The following TLE4 variants were observed in gnomAD, a reference collection of about 807,000 sequenced individuals.
The protein encoded by TLE4 is transducin-like enhancer protein 4.
A neutral mutation model predicts 92.8 loss-of-function variants in TLE4; 8 were observed. That is an observed-to-expected ratio of 0.09 (90% CI 0.05 to 0.16). TLE4 has a LOEUF of 0.16. Ranked by LOEUF, TLE4 falls within the 10% of genes least tolerant of loss-of-function variation. The pLI, the probability that TLE4 is intolerant of heterozygous loss-of-function variation, is 1.00. For missense variants in TLE4, 675 were observed against 997.6 expected, an observed-to-expected ratio of 0.68 and a Z score of 4.36; for synonymous variants, 371 against 374.1, an observed-to-expected ratio of 0.99 and a Z score of 0.10.
intron 2 of TLE4, 50 bp downstream of exon 2, chr9:79,573,836 C>G (rs753798988): frequency 7.3e-7 from 1 of 1,369,454 alleles, no homozygotes; most frequent in East Asian, 2.4e-5. Context: ...GCTCTTGTCT[C>G]CCCGACAAAT....
At chr9:79,718,213 C>G in intron 14 of TLE4, 1 of 387,410 alleles carries the variant, frequency 2.6e-6, no homozygotes, top group African/African-American at 2.1e-5. Flanking sequence ...ATTTCAACGT[C>G]TAAGCCTAGA....
At chr9:79,587,124 A>G (rs972694538) in intron 4 of TLE4, among the ~76,000 whole-genome samples, 1 of 152,258 alleles carries the variant, frequency 6.6e-6, no homozygotes, top group African/African-American at 2.4e-5. Context: ...ACTAGCACCT[A>G]AAACAATGCC....
chr9:79,712,159 C>T (rs2073460083), intron 14 of TLE4, among the ~76,000 whole-genome samples: 1 of 152,256 alleles, frequency 6.6e-6, no homozygotes, highest in African/African-American at 2.4e-5. Flanking sequence ...TTAGTCAACC[C>T]CAGCATTATT....
At chr9:79,704,334 C>T (rs1191138372) in intron 8 of TLE4, among the ~76,000 whole-genome samples, 1 of 152,054 alleles carries the variant, frequency 6.6e-6, no homozygotes, top group African/African-American at 2.4e-5. Flanking sequence ...AGGATGGTCT[C>T]GACCTCCTGA....
At chr9:79,576,039 A>T in intron 3 of TLE4, 94 bp from the exon 4 acceptor site, 1 of 797,134 alleles carries the variant, frequency 1.3e-6, no homozygotes, top group Non-Finnish European at 1.8e-6. Flanking sequence ...TGAGGCTTTT[A>T]TGTTTGTTTC....
chr9:79,584,141 G>C (rs1381093384), intron 4 of TLE4, among the ~76,000 whole-genome samples: 1 of 152,194 alleles, frequency 6.6e-6, no homozygotes, highest in African/African-American at 2.4e-5. Context: ...CCCTTCCAGG[G>C]CTCCCTTCGC....
chr9:79,710,471 C>G (rs1437693170), intron 14 of TLE4, among the ~76,000 whole-genome samples: 2 of 152,138 alleles, frequency 1.3e-5, no homozygotes, highest in Admixed American at 1.3e-4. Flanking sequence ...TTTTTCTCAT[C>G]ACTCTTTCTG....
At chr9:79,578,937 T>G (rs7852171) in intron 4 of TLE4, among the ~76,000 whole-genome samples, 1 of 141,490 alleles carries the variant, frequency 7.1e-6, no homozygotes, top group Non-Finnish European at 1.5e-5. Context: ...GCTAAGCAGA[T>G]GAAGCAAAAA....
At chr9:79,574,281 G>A (rs914590162) in intron 2 of TLE4, 3 of 152,090 alleles carry the variant, frequency 2.0e-5, no homozygotes, top group Admixed American at 1.3e-4. Context: ...GTGCCTTTGA[G>A]ACATTTTTCT....
At chr9:79,723,945 G>T (rs1449892014) in intron 19 of TLE4, among the ~76,000 whole-genome samples, 2 of 152,116 alleles carry the variant, frequency 1.3e-5, no homozygotes. Context: ...ATGTCTTTAA[G>T]TGTTTAAAGT....
intron 8 of TLE4, among the ~76,000 whole-genome samples, chr9:79,666,204 G>A (rs1238319597): frequency 2.0e-5 from 2 of 99,464 alleles, no homozygotes; most frequent in Admixed American, 2.3e-4. Flanking sequence ...TGTGGGTGGG[G>A]TTTTTTTTTT....
chr9:79,653,555 C>T (rs560679452), intron 7 of TLE4, among the ~76,000 whole-genome samples: 1 of 152,258 alleles, frequency 6.6e-6, no homozygotes, highest in African/African-American at 2.4e-5. Context: ...AAAAGTCTCT[C>T]CCAGCATTCC....
Position 79,572,626 on chromosome 9 carries a change from T to G in TLE4, c.-165T>G. The G allele has an allele frequency of 2.8e-6, 1 of 355,864 alleles. No individual in the cohort carries two copies. The highest frequency in any genetic ancestry group is 2.2e-5 in the African/African-American group (1 of 45,840). The allele number at this position is 355,864 out of a possible 1,614,324, so 22.0% of individuals were successfully genotyped here. On this transcript the variant is annotated 5_prime_UTR_variant, in exon 1 of 20. Coordinates refer to ENST00000376552, the MANE Select transcript of TLE4 (RefSeq NM_007005.6). ...GCCGGCACCCAGCCGCCGCCGCGCG[T>G]TCCTGCCGCCCGTGTCACGCGAGAC...
intron 4 of TLE4, among the ~76,000 whole-genome samples, chr9:79,603,467 T>C (rs1016438131): frequency 1.3e-5 from 2 of 152,188 alleles, no homozygotes; most frequent in African/African-American, 4.8e-5. Flanking sequence ...CAGATAATGG[T>C]TAACATTTTC....
At chr9:79,711,159 A>C (rs1339101138) in intron 14 of TLE4, among the ~76,000 whole-genome samples, 1 of 152,136 alleles carries the variant, frequency 6.6e-6, no homozygotes, top group Non-Finnish European at 1.5e-5. Context: ...ACTCTATCCT[A>C]ACCTTCCTTT....
chr9:79,662,515 C>T (rs1304034305), intron 8 of TLE4, among the ~76,000 whole-genome samples: 1 of 151,862 alleles, frequency 6.6e-6, no homozygotes, highest in African/African-American at 2.4e-5. Flanking sequence ...TTTTGAACAA[C>T]AAAATAAAAT....
intron 4 of TLE4, among the ~76,000 whole-genome samples, chr9:79,608,685 C>G (rs2047659024): frequency 6.6e-6 from 1 of 151,960 alleles, no homozygotes; most frequent in Non-Finnish European, 1.5e-5. Context: ...AAATGGTTTC[C>G]TAATAACGCT....
intron 4 of TLE4, among the ~76,000 whole-genome samples, chr9:79,610,869 A>G (rs1486091656): frequency 1.3e-5 from 2 of 152,072 alleles, no homozygotes; most frequent in Non-Finnish European, 2.9e-5. Flanking sequence ...GGCGAACTAA[A>G]GAACTCAGTT....
At chr9:79,683,822 A>G (rs1161790646) in intron 8 of TLE4, among the ~76,000 whole-genome samples, 3 of 152,208 alleles carry the variant, frequency 2.0e-5, no homozygotes, top group Admixed American at 6.5e-5. Context: ...CTGTTTGCTC[A>G]TTAACATGGC....
Sources: gnomAD v4.1 joint callset for allele counts (sites outside exome capture counted in the v4.1 genomes callset) on GRCh38, gnomAD v4.1.1 for gene constraint, MANE v1.5 for transcripts, NCBI Gene and HGNC (gene_info 2026-07-23, HGNC 2026-07-21) for gene names.